The following ZKSCAN7 variants were observed in gnomAD, a reference collection of about 807,000 sequenced individuals.
ZKSCAN7 encodes the protein zinc finger with KRAB and SCAN domains 7.
ZKSCAN7 carries 38 observed loss-of-function variants against 65.3 expected under a neutral mutation model. The ratio of observed to expected loss-of-function variants is 0.58; its 90% CI spans 0.45 to 0.76. The LOEUF (loss-of-function observed/expected upper bound fraction) is 0.76, where lower values mean the gene tolerates loss of function less well. Among genes scored for constraint, ZKSCAN7 ranks in the 30% least tolerant of loss-of-function variants. The pLI, the probability that ZKSCAN7 is intolerant of heterozygous loss-of-function variation, is 0.00. For synonymous variants in ZKSCAN7, 321 were observed against 321.0 expected, an observed-to-expected ratio of 1.00 and a Z score of 0.00; for missense variants, 815 against 913.3, an observed-to-expected ratio of 0.89 and a Z score of 1.39.
Position 44,568,410 on chromosome 3 carries a change from A to G in ZKSCAN7, c.788A>G (p.Asn263Ser), listed in dbSNP as rs764247305. Residue 263 changes from asparagine to serine, a missense_variant, in exon 5 of 6, where the codon AAT becomes AGT. This residue lies in a region of ZKSCAN7 where 578 missense variants were observed against 629.5 expected (regional missense o/e 0.92). Transcript: ENST00000426540. Reference protein sequence around the residue: ...RALQWNMMPENHHSMASLAGE... With the variant: ...RALQWNMMPESHHSMASLAGE... ...CTGCAGTGGAACATGATGCCAGAAA[A>G]TCACCATAGCATGGCCTCCTTGGGT... The G allele has an allele frequency of 1.9e-6, 3 of 1,614,040 alleles. No homozygotes were observed.
intron 5 of ZKSCAN7, among the ~76,000 whole-genome samples, chr3:44,579,439 C>T (rs2125735043): frequency 6.6e-6 from 1 of 152,326 alleles, no homozygotes; most frequent in East Asian, 1.9e-4. Context: ...GCCTCCGCTC[C>T]CACGTGCGGC....
chr3:44,580,353 C>T, intron 5 of ZKSCAN7: 20 of 1,610,622 alleles, frequency 1.2e-5, no homozygotes, highest in Non-Finnish European at 1.6e-5. Flanking sequence ...AGGAGGCTGG[C>T]TCTGGCTGGG....
chr3:44,557,104 G>C lies in ZKSCAN7; in HGVS notation c.57G>C (p.Gln19His), dbSNP rs762601986. 6.2e-7 allele frequency: 1 copy of C among 1,614,258 alleles called. No homozygotes were observed. The highest frequency in any genetic ancestry group is 1.1e-5 in the South Asian group (1 of 91,090). ...LGLIPRSTAF[Q>H]KQEGRLTVKQ... is the part of the protein sequence containing the mutation. ...TCATCCCCAGGAGCACTGCTTTCCA[G>C]AAGCAAGAGGGGCGCCTGACTGTGA... The change falls in exon 2 of 6, where the codon CAG (glutamine) becomes CAC (histidine). Residue 19 changes from glutamine to histidine, a missense_variant. Physicochemically the swap from Gln to His is conservative, Grantham distance 24. Around this residue, in one of 3 missense-constraint regions of ZKSCAN7, gnomAD observed 227 missense variants for 253.3 expected, o/e 0.90. Transcript: ENST00000426540.
At chr3:44,559,416 A>C (rs1436239740) in intron 2 of ZKSCAN7, among the ~76,000 whole-genome samples, 1 of 152,094 alleles carries the variant, frequency 6.6e-6, no homozygotes, top group Non-Finnish European at 1.5e-5. Context: ...CCAAGTACCC[A>C]ATATATCATT....
At chr3:44,567,838 C>T (rs1699679563) in intron 3 of ZKSCAN7, 74 bp from the exon 4 acceptor site, 4 of 606,072 alleles carry the variant, frequency 6.6e-6, no homozygotes, top group East Asian at 2.8e-5. Flanking sequence ...CTTGAATCCA[C>T]TTATTGGGAA....
Position 44,580,831 on chromosome 3 carries a change from A to G in ZKSCAN7, c.812-2141A>G, listed in dbSNP as rs906204988. On this transcript the variant is annotated intron_variant, in intron 5 of 5. Coordinates refer to the ZKSCAN7 transcript ENST00000341840. ...AAGAACTGTCGCTGCCATTTCGGAGACCGGTGCACTGAGTTGTCAAAGTCG... is the reference window on the plus strand; with the variant it reads ...AAGAACTGTCGCTGCCATTTCGGAGGCCGGTGCACTGAGTTGTCAAAGTCG... 1.8e-5 allele frequency: 29 copies of G among 1,613,184 alleles called. No individual in the cohort carries two copies. The African/African-American group carries it at 3.2e-4, about 18-fold the overall frequency.
intron 5 of ZKSCAN7, chr3:44,579,929 C>G (rs1700024695): frequency 6.3e-7 from 1 of 1,599,538 alleles, no homozygotes; most frequent in Non-Finnish European, 8.6e-7. Flanking sequence ...TGACTTGGCT[C>G]TTCGGTGTGG....
chr3:44,574,010 T>A (rs1005858512), downstream of ZKSCAN7, among the ~76,000 whole-genome samples: 1 of 152,214 alleles, frequency 6.6e-6, no homozygotes, highest in African/African-American at 2.4e-5. Context: ...TTAAAAAAAA[T>A]TTAAATCTGG....
intron 5 of ZKSCAN7, chr3:44,578,311 T>C (rs1423542414): frequency 3.1e-6 from 5 of 1,590,808 alleles, no homozygotes; most frequent in Non-Finnish European, 4.3e-6. Flanking sequence ...CCGATTCCTA[T>C]ATCCGCAATA....
chr3:44,571,179 C>T lies in ZKSCAN7; in HGVS notation c.2069C>T (p.Pro690Leu), dbSNP rs754479005. The T allele has an allele frequency of 6.2e-7, 1 of 1,614,154 alleles. No individual in the cohort carries two copies. The highest frequency in any genetic ancestry group is 8.5e-7 in the Non-Finnish European group (1 of 1,180,040). The change falls in exon 6 of 6, where the codon CCC becomes CTC. Residue 690 changes from proline to leucine, a missense_variant. Pro to Leu is a moderately conservative substitution (Grantham distance 98). Transcript: ENST00000426540. ...VHQRTHTGEK[P>L]YKCNDCGKAF... Reference sequence around the variant, plus strand: ...CAGAGAACCCATACTGGGGAAAAACCCTATAAATGCAATGATTGTGGGAAA... The same window carrying T: ...CAGAGAACCCATACTGGGGAAAAACTCTATAAATGCAATGATTGTGGGAAA...
At chr3:44,560,374 A>G (rs1304630924) in intron 2 of ZKSCAN7, among the ~76,000 whole-genome samples, 2 of 152,222 alleles carry the variant, frequency 1.3e-5, no homozygotes, top group Non-Finnish European at 2.9e-5. Context: ...TTTGCTTATC[A>G]GGAGCAAGCC....
chr3:44,557,606 G>A (rs1575354497), intron 2 of ZKSCAN7, 136 bp downstream of exon 2: 27 of 1,272,218 alleles, frequency 2.1e-5, no homozygotes, highest in Admixed American at 1.4e-4. Flanking sequence ...TGGATAGAGG[G>A]AAAATAGTTT....
Position 44,557,261 on chromosome 3 carries a change from T to G in ZKSCAN7, c.214T>G (p.Leu72Val). The change falls in exon 2 of 6, where the codon TTG (leucine) becomes GTG (valine). Residue 72 changes from leucine (L) to valine (V), a missense_variant. By Grantham distance (32) the Leu-to-Val change is conservative. This residue lies in a region of ZKSCAN7 where 227 missense variants were observed against 253.3 expected (regional missense o/e 0.90). Transcript: ENST00000426540. Reference sequence around the variant, plus strand: ...CGAGATGTCTGGGCCGCAGGAAGCATTGAGCCGGCTTCGGGAGCTCTGCCG... The same window carrying G: ...CGAGATGTCTGGGCCGCAGGAAGCAGTGAGCCGGCTTCGGGAGCTCTGCCG... ...YHEMSGPQEALSRLRELCRWW... is the reference protein window; with the variant it reads ...YHEMSGPQEAVSRLRELCRWW... 6.2e-7 allele frequency: 1 copy of G among 1,614,268 alleles called. No individual in the cohort carries two copies. Among genetic ancestry groups the G allele is most frequent in the Non-Finnish European group, 8.5e-7 (1 of 1,180,050 alleles).
In ZKSCAN7 at chr3:44,571,057, C is replaced by G. The variant is rs370821218; in HGVS notation, c.1947C>G (p.His649Gln). The change falls in exon 6 of 6, where the codon CAC (histidine) becomes CAG (glutamine). Residue 649 changes from histidine to glutamine, a missense_variant. By Grantham distance (24) the His-to-Gln change is conservative (BLOSUM62 0). Coordinates refer to ENST00000426540, the MANE Select transcript of ZKSCAN7 (RefSeq NM_001288590.2). ...ECGKSFNQNS[H>Q]LIIHQRIHTG... ...GAAAATCCTTCAATCAAAACTCACA[C>G]CTTATTATACACCAGAGAATTCACA... 1 of 1,613,970 alleles carries G rather than the reference C, an allele frequency of 6.2e-7. No individual in the cohort carries two copies.
At position 44,571,098 on chromosome 3, in the gene ZKSCAN7, A is replaced by G. The variant is rs1399123817; in HGVS notation, c.1988A>G (p.Tyr663Cys). The G allele has an allele frequency of 9.9e-6, 16 of 1,614,030 alleles. No individual in the cohort carries two copies. The highest frequency in any genetic ancestry group is 1.7e-5 in the Admixed American group (1 of 60,008). Residue 663 changes from tyrosine to cysteine, a missense_variant, in exon 6 of 6, where the codon TAT becomes TGT. Around this residue, in one of 3 missense-constraint regions of ZKSCAN7, gnomAD observed 578 missense variants for 629.5 expected, o/e 0.92. Transcript: ENST00000426540. Reference protein sequence around the residue: ...HQRIHTGEKPYECNECGKVFS... With the variant: ...HQRIHTGEKPCECNECGKVFS... ...AGAATTCACACTGGTGAGAAACCCT[A>G]TGAATGTAATGAGTGTGGGAAGGTA...
chr3:44,579,979 G>GC (rs1470106450), intron 5 of ZKSCAN7: 7 of 1,588,616 alleles, frequency 4.4e-6, no homozygotes, highest in East Asian at 4.5e-5. Context: ...GGAGCTTGGG[G>GC]GGGGGCTTCA....
At chr3:44,583,368 A>T (rs987245764) in exon 6 of ZKSCAN7, 1 of 153,866 alleles carries the variant, frequency 6.5e-6, no homozygotes, top group Non-Finnish European at 1.4e-5. Context: ...TCTCTATACA[A>T]TGTGGCGGAG....
chr3:44,578,216 G>C, intron 5 of ZKSCAN7: 1 of 1,526,466 alleles, frequency 6.6e-7, no homozygotes, highest in Non-Finnish European at 9.1e-7. Context: ...TGTCTTTGTG[G>C]TGTCACTTGC....
chr3:44,567,461 A>G (rs895792027), intron 3 of ZKSCAN7, among the ~76,000 whole-genome samples: 27 of 152,174 alleles, frequency 1.8e-4, no homozygotes, highest in Non-Finnish European at 3.2e-4. Context: ...CTAGGAGAGA[A>G]GTAAGAACTG....
Sources: allele counts gnomAD v4.1 joint callset (sites outside exome capture counted in the v4.1 genomes callset), GRCh38; gene constraint gnomAD v4.1.1; regional missense constraint gnomAD v4.1.1; transcripts MANE v1.5; gene names NCBI Gene and HGNC (gene_info 2026-07-23, HGNC 2026-07-21).